Variants in ADGRV1 observed in about 807,000 individuals in gnomAD.
ADGRV1 encodes the protein adhesion G protein-coupled receptor V1.
Under a neutral mutation model 596.2 loss-of-function variants are expected in ADGRV1, and 359 were observed. The ratio of observed to expected loss-of-function variants is 0.60; its 90% CI spans 0.55 to 0.66. The LOEUF (loss-of-function observed/expected upper bound fraction) is 0.66. ADGRV1 is among the 30% of genes least tolerant of loss of function. The probability of loss-of-function intolerance (pLI) is 0.00; values close to 1 mark genes in which losing one functional copy is unlikely to be tolerated. For synonymous variants in ADGRV1, 2,681 were observed against 2,679.2 expected (o/e 1.00, Z -0.02); for missense variants, 7,274 against 7,575.6 (o/e 0.96, Z 1.48).
chr5:91,133,259 G>A (rs1794361874), intron 87 of ADGRV1, among the ~76,000 whole-genome samples: 1 of 152,362 alleles, frequency 6.6e-6, no homozygotes, highest in African/African-American at 2.4e-5. Flanking sequence ...ATTCTGAGGT[G>A]ATATTGACTA....
chr5:90,928,472 T>G (rs1036600607), intron 83 of ADGRV1, among the ~76,000 whole-genome samples: 2 of 150,622 alleles, frequency 1.3e-5, no homozygotes, highest in African/African-American at 5.0e-5. Flanking sequence ...AGCCTTGGTT[T>G]TCAGCTCCAT....
intron 32 of ADGRV1, 74 bp downstream of exon 32, chr5:90,692,860 G>C: frequency 8.8e-7 from 1 of 1,140,588 alleles, no homozygotes; most frequent in Non-Finnish European, 1.2e-6. Context: ...CCCTTGCACA[G>C]TTAAATCATT....
At chr5:90,851,248 G>C (rs1581321857) in intron 79 of ADGRV1, among the ~76,000 whole-genome samples, 2 of 151,460 alleles carry the variant, frequency 1.3e-5, no homozygotes, top group Admixed American at 1.3e-4. Flanking sequence ...TAAAGAAATA[G>C]GAAAACCACA....
chr5:91,084,808 A>G (rs1202838271), intron 86 of ADGRV1, among the ~76,000 whole-genome samples: 1 of 152,258 alleles, frequency 6.6e-6, no homozygotes, highest in Non-Finnish European at 1.5e-5. Context: ...TATTCACAAT[A>G]GCAAAGACTT....
Position 90,693,890 on chromosome 5 carries a change from C to A in ADGRV1, c.7134C>A (p.Ser2378Arg). 1 of 1,537,890 alleles carries A rather than the reference C, an allele frequency of 6.5e-7. No individual in the cohort carries two copies. The highest frequency in any genetic ancestry group is 8.8e-7 in the Non-Finnish European group (1 of 1,141,778). ...SSCANITVRR[S>R]GGHFGRLLLF... ...TTTTAATTGTCACTCCACATTTTAG[C>A]GGAGGGCACTTTGGTCGGCTGTTGT... Residue 2378 changes from serine to arginine, a missense_variant and splice_region_variant, in exon 33 of 90, where the codon AGC becomes AGA. Physicochemically the swap from Ser to Arg is moderately radical, Grantham distance 110 (BLOSUM62 -1). Coordinates refer to ENST00000405460, the MANE Select transcript of ADGRV1 (RefSeq NM_032119.4).
In ADGRV1 at chr5:90,778,019, G is replaced by C. The variant is rs1211038696; in HGVS notation, c.12642G>C (p.Gln4214His). Residue 4214 changes from glutamine to histidine, a missense_variant, in exon 62 of 90, where the codon CAG (glutamine) becomes CAC (histidine). Transcript: ENST00000405460. ...GAAAACTGACAATGCGAGACGAACA[G>C]TCTGCAGTCATTGTAGTAATACAGG... ...TSGKLTMRDE[Q>H]SAVIVVIQAL... The C allele has an allele frequency of 1.3e-6, 2 of 1,581,142 alleles. No homozygotes were observed. The highest frequency in any genetic ancestry group is 1.8e-5 in the Admixed American group (1 of 54,508).
chr5:90,766,058 C>T (rs974650206), intron 59 of ADGRV1, among the ~76,000 whole-genome samples: 11 of 152,078 alleles, frequency 7.2e-5, no homozygotes, highest in South Asian at 2.1e-4. Context: ...TACAGGCGCC[C>T]GCCACCACAC....
chr5:90,785,276 A>G (rs953424084), intron 67 of ADGRV1, among the ~76,000 whole-genome samples: 1 of 152,222 alleles, frequency 6.6e-6, no homozygotes, highest in Non-Finnish European at 1.5e-5. Flanking sequence ...AAAGACTTAA[A>G]TGTTAGACCT....
intron 84 of ADGRV1, among the ~76,000 whole-genome samples, chr5:90,972,219 A>G (rs1343607776): frequency 6.6e-6 from 1 of 152,222 alleles, no homozygotes; most frequent in Non-Finnish European, 1.5e-5. Flanking sequence ...TTAGAGACCT[A>G]CAAAGAGACT....
At chr5:90,862,943 T>C (rs890508104) in intron 82 of ADGRV1, among the ~76,000 whole-genome samples, 4 of 152,192 alleles carry the variant, frequency 2.6e-5, no homozygotes, top group Non-Finnish European at 4.4e-5. Context: ...GTGCCTCCTG[T>C]TTATTAACGA....
chr5:90,970,323 G>A (rs1336526325), intron 84 of ADGRV1, among the ~76,000 whole-genome samples: 1 of 152,182 alleles, frequency 6.6e-6, no homozygotes. Flanking sequence ...ACAAAAGGCA[G>A]CAGAAACCTC....
chr5:90,620,454 T>G (rs1347304913), intron 4 of ADGRV1, among the ~76,000 whole-genome samples: 1 of 152,228 alleles, frequency 6.6e-6, no homozygotes, highest in Non-Finnish European at 1.5e-5. Flanking sequence ...AGTATTTTTT[T>G]TCTTGTAAAT....
intron 85 of ADGRV1, among the ~76,000 whole-genome samples, chr5:90,989,058 G>A (rs997439103): frequency 2.0e-4 from 30 of 151,904 alleles, no homozygotes; most frequent in African/African-American, 6.8e-4. Context: ...CATTTGGGTT[G>A]GTTCCAAGTC....
chr5:90,692,698 T>G lies in ADGRV1; in HGVS notation c.7045T>G (p.Tyr2349Asp), dbSNP rs1458041924. 6.2e-7 allele frequency: 1 copy of G among 1,610,818 alleles called. No homozygotes were observed. Among genetic ancestry groups the G allele is most frequent in the Admixed American group, 1.7e-5 (1 of 59,564 alleles). Reference sequence around the variant, plus strand: ...TATTATTCCTGCCAATGATGATCCTTATGGTACAGTAGCCTTTGCTCAGAT... The same window carrying G: ...TATTATTCCTGCCAATGATGATCCTGATGGTACAGTAGCCTTTGCTCAGAT... ...NIIIPANDDP[Y>D]GTVAFAQMVY... The change falls in exon 32 of 90, where the codon TAT becomes GAT. Residue 2349 changes from tyrosine to aspartate, a missense_variant. Physicochemically the swap from Tyr to Asp is radical, Grantham distance 160. Around this residue, in one of 5 missense-constraint regions of ADGRV1, gnomAD observed 3,643 missense variants for 3,809.2 expected, o/e 0.96. Coordinates refer to ENST00000405460, the MANE Select transcript of ADGRV1 (RefSeq NM_032119.4).
chr5:90,903,231 T>C (rs1319749503), intron 83 of ADGRV1, among the ~76,000 whole-genome samples: 1 of 152,086 alleles, frequency 6.6e-6, no homozygotes, highest in Non-Finnish European at 1.5e-5. Context: ...TATTTCCTAA[T>C]CTTTGTTCTT....
At chr5:90,677,988 C>T (rs2149560841) in intron 25 of ADGRV1, among the ~76,000 whole-genome samples, 1 of 152,302 alleles carries the variant, frequency 6.6e-6, no homozygotes, top group East Asian at 1.9e-4. Context: ...GTAGCCACAA[C>T]CTGAATAGAT....
intron 83 of ADGRV1, among the ~76,000 whole-genome samples, chr5:90,924,012 T>C (rs1194213291): frequency 2.6e-5 from 4 of 151,822 alleles, no homozygotes; most frequent in Non-Finnish European, 5.9e-5. Context: ...TGCCACATTT[T>C]CTTAATCCAG....
At chr5:90,800,917 C>T (rs1281698979) in intron 70 of ADGRV1, among the ~76,000 whole-genome samples, 2 of 151,888 alleles carry the variant, frequency 1.3e-5, no homozygotes, top group African/African-American at 4.8e-5. Context: ...CACTTGGGGC[C>T]TGTCGGGGTG....
intron 11 of ADGRV1, among the ~76,000 whole-genome samples, chr5:90,641,570 AC>A (rs1177951909): frequency 2.6e-5 from 4 of 152,128 alleles, no homozygotes; most frequent in African/African-American, 9.7e-5. Context: ...ATATAAAATA[AC>A]TCTCCTATTA....
Sources: gnomAD v4.1 joint callset for allele counts (sites outside exome capture counted in the v4.1 genomes callset) on GRCh38, gnomAD v4.1.1 for gene constraint, gnomAD v4.1.1 regional missense constraint, MANE v1.5 for transcripts, NCBI Gene and HGNC (gene_info 2026-07-23, HGNC 2026-07-21) for gene names.